GLS2: variants seen among roughly 807,000 people sequenced by gnomAD.
GLS2 encodes glutaminase liver isoform, mitochondrial.
GLS2 carries 52 observed loss-of-function variants against 79.0 expected under a neutral mutation model. That is an observed-to-expected ratio of 0.66 (90% CI 0.53 to 0.83). The LOEUF (loss-of-function observed/expected upper bound fraction) is 0.83. GLS2 is among the 40% of genes least tolerant of loss of function. GLS2 has a pLI of 0.00. For synonymous variants in GLS2, 238 were observed against 280.8 expected (o/e 0.85, Z 1.52); for missense variants, 561 against 764.8 (o/e 0.73, Z 3.14).
At chr12:56,473,356 C>T (rs1436361381) in intron 13 of GLS2, 36 bp from the exon 14 acceptor site, 1 of 1,610,908 alleles carries the variant, frequency 6.2e-7, no homozygotes, top group African/African-American at 1.3e-5. Context: ...TTTATTTACT[C>T]CTTACACTTA....
chr12:56,473,072 A>G (rs538477131), intron 14 of GLS2, 156 bp downstream of exon 14: 38 of 691,794 alleles, frequency 5.5e-5, no homozygotes, highest in Admixed American at 2.4e-4. Context: ...TGTATTTTCA[A>G]TAGAGACCAG....
chr12:56,487,061 C>T (rs1219158447), intron 1 of GLS2, among the ~76,000 whole-genome samples: 5 of 152,098 alleles, frequency 3.3e-5, no homozygotes, highest in Non-Finnish European at 7.4e-5. Context: ...ATGGCAGCGA[C>T]GAGGGAGATG....
At position 56,471,829 on chromosome 12, in the gene GLS2, G is replaced by A. The variant is rs139823988; in HGVS notation, c.1596C>T (p.Ile532=). ...CCTCGATCAGGAATTTAACAACTTC[G>A]ATGTGTCCTAGGAATATGGGCAGAA... The part of the protein sequence containing the change: ...ALHVAAAEGH[I]EVVKFLIEAC... Residue 532 remains isoleucine (I), a synonymous_variant, in exon 17 of 18, where the codon ATC becomes ATT. Transcript: ENST00000311966. The A allele has an allele frequency of 1.9e-5, 31 of 1,613,804 alleles. No individual in the cohort carries two copies. In the Admixed American group the frequency reaches 2.5e-4, roughly 13 times the overall value.
At chr12:56,472,885 CTTTTTTTTT>C in intron 14 of GLS2, 134 bp from the exon 15 acceptor site, 1 of 399,734 alleles carries the variant, frequency 2.5e-6, no homozygotes, top group Non-Finnish European at 4.4e-6. Context: ...CTGAAATATT[CTTTTTTTTT>C]TTTTTTTTTT....
In GLS2 at chr12:56,479,097, A is replaced by G. The variant is rs759754122; in HGVS notation, c.489T>C (p.His163=). ...VIPDFEEFTG[H]VDRIFEDVKE... is the part of the protein sequence containing the mutation. ...TGACATCCTCAAAGATGCGATCCAC[A>G]TGGCCCGTGAACTCCTCAAAATCAG... The change falls in exon 4 of 18, where the codon CAT becomes CAC. Residue 163 remains histidine (H), a synonymous_variant. Transcript: ENST00000311966. The G allele has an allele frequency of 1.2e-6, 2 of 1,613,908 alleles. No homozygotes were observed. The highest frequency in any genetic ancestry group is 2.2e-5 in the East Asian group (1 of 44,874).
chr12:56,484,866 T>C (rs1364097240), intron 1 of GLS2, among the ~76,000 whole-genome samples: 1 of 152,194 alleles, frequency 6.6e-6, no homozygotes, highest in Non-Finnish European at 1.5e-5. Flanking sequence ...GGTAAAGTAG[T>C]ATCAGCATGT....
At chr12:56,481,106 T>C (rs972440744) in intron 1 of GLS2, among the ~76,000 whole-genome samples, 1 of 151,332 alleles carries the variant, frequency 6.6e-6, no homozygotes, top group Admixed American at 6.6e-5. Context: ...TAATTGCCAC[T>C]ACACTCTCTT....
chr12:56,485,310 G>T (rs1444867572), intron 1 of GLS2, among the ~76,000 whole-genome samples: 1 of 152,166 alleles, frequency 6.6e-6, no homozygotes, highest in East Asian at 1.9e-4. Flanking sequence ...AGGCTGGAGT[G>T]TGGTGATGCA....
intron 14 of GLS2, 197 bp from the exon 15 acceptor site, chr12:56,472,948 C>A: frequency 1.8e-6 from 1 of 564,592 alleles, no homozygotes; most frequent in South Asian, 2.1e-5. Context: ...AGTGTAGTGG[C>A]GCGCGGTCTT....
intron 3 of GLS2, 71 bp from the exon 4 acceptor site, chr12:56,479,252 A>G: frequency 1.3e-6 from 2 of 1,571,756 alleles, no homozygotes; most frequent in Non-Finnish European, 1.7e-6. Flanking sequence ...AGCCACGGAA[A>G]TTGGGAATAA....
intron 1 of GLS2, 116 bp downstream of exon 1, chr12:56,487,821 G>T: frequency 8.2e-7 from 1 of 1,218,274 alleles, no homozygotes; most frequent in Non-Finnish European, 1.1e-6. Flanking sequence ...CCGAGGGCTA[G>T]TGAGCGAGGA....
chr12:56,479,197 G>A lies in GLS2; in HGVS notation c.405-16C>T, dbSNP rs776953558. ...GCTCACACACCTGGATCCCAGACACGATTGGATTAGGGGGCTAGAGAAATG... is the reference window on the plus strand; with the variant it reads ...GCTCACACACCTGGATCCCAGACACAATTGGATTAGGGGGCTAGAGAAATG... On this transcript the variant is annotated splice_polypyrimidine_tract_variant and intron_variant, in intron 3 of 17. Transcript: ENST00000311966. 6.2e-6 allele frequency: 10 copies of A among 1,611,898 alleles called. No homozygotes were observed. The highest frequency in any genetic ancestry group is 2.2e-5 in the South Asian group (2 of 91,022).
rs1356240853 is a variant in GLS2 at position 56,488,108 on chromosome 12, A to G, written c.11T>C (p.Met4Thr). 1 of 1,548,020 alleles carries G rather than the reference A, an allele frequency of 6.5e-7. No homozygotes were observed. Among genetic ancestry groups the G allele is most frequent in the Admixed American group, 1.9e-5 (1 of 52,224 alleles). ...GCTCAGGGCCTTCTGCAGAGCCTTC[A>G]TGGAGCGCATGCCCCAGCAAGCCTC... MRS[M>T]KALQKALSRA... Residue 4 changes from methionine (M) to threonine (T), a missense_variant, in exon 1 of 18, where the codon ATG becomes ACG. Transcript: ENST00000311966.
rs929748960 is a variant in GLS2 at position 56,472,036 on chromosome 12, G to A, written c.1588+83C>T. 3.1e-5 allele frequency: 46 copies of A among 1,470,948 alleles called. No individual in the cohort carries two copies. The African/African-American group carries it at 5.8e-4, about 19-fold the overall frequency. The allele number at this position is 1,470,948 out of a possible 1,614,324, so 91.1% of individuals were successfully genotyped here. A position where few individuals can be genotyped will look rare whatever the true frequency, so the allele number is the denominator to read the frequency against. On this transcript the variant is annotated intron_variant, in intron 16 of 17. Coordinates refer to ENST00000311966, the MANE Select transcript of GLS2 (RefSeq NM_013267.4). ...TAGTTGCTGCCCCTATAACCTTGAG[G>A]GCACATATAATGAAGGTACTTTTGG...
Position 56,478,211 on chromosome 12 carries a change from C to CA in GLS2, c.585dup (p.Val196CysfsTer41). ...TGACCATCCACAGTGCACAGGGAGA[C>CA]ACCCCACAGGTCTGGGTTTGACTTG... On this transcript the variant is annotated frameshift_variant, in exon 5 of 18. Coordinates refer to ENST00000311966, the MANE Select transcript of GLS2 (RefSeq NM_013267.4). LOFTEE classifies it high-confidence loss of function. The CA allele has an allele frequency of 6.8e-6, 11 of 1,614,244 alleles. No homozygotes were observed. The highest frequency in any genetic ancestry group is 9.3e-6 in the Non-Finnish European group (11 of 1,180,048).
Position 56,475,098 on chromosome 12 carries a change from C to T in GLS2, c.942G>A (p.Glu314=). The T allele has an allele frequency of 6.2e-7, 1 of 1,614,112 alleles. No homozygotes were observed. The highest frequency in any genetic ancestry group is 8.5e-7 in the Non-Finnish European group (1 of 1,180,034). The change falls in exon 10 of 18, where the codon GAG becomes GAA. Residue 314 remains glutamate, a synonymous_variant. Transcript: ENST00000311966. ...CATAATTCCGATCCCCTGTTTCCTT[C>T]TCTGACTGGAATCTGAAGCAAACAC... ...MGFSNATFQS[E]KETGDRNYAI...
At chr12:56,483,686 T>A (rs921153460) in intron 1 of GLS2, among the ~76,000 whole-genome samples, 2 of 152,118 alleles carry the variant, frequency 1.3e-5, no homozygotes, top group Non-Finnish European at 2.9e-5. Context: ...GCTCAAGTGA[T>A]CCTTCTGCCT....
chr12:56,479,629 TATG>T, intron 3 of GLS2, 148 bp downstream of exon 3: 6 of 908,604 alleles, frequency 6.6e-6, no homozygotes, highest in Non-Finnish European at 7.7e-6. Flanking sequence ...TTTGAACTCT[TATG>T]ATGAGTATTC....
chr12:56,472,274 C>G, intron 15 of GLS2, 79 bp from the exon 16 acceptor site: 1 of 1,314,062 alleles, frequency 7.6e-7, no homozygotes. Flanking sequence ...TGGTGTCAGA[C>G]TGGATGAGTT....
Sources: allele counts gnomAD v4.1 joint callset (sites outside exome capture counted in the v4.1 genomes callset), GRCh38; gene constraint gnomAD v4.1.1; transcripts MANE v1.5; gene names NCBI Gene and HGNC (gene_info 2026-07-23, HGNC 2026-07-21).